MIPOL1: variants seen among roughly 807,000 people sequenced by gnomAD.
MIPOL1 encodes the protein mirror-image polydactyly 1.
Under a neutral mutation model 60.9 loss-of-function variants are expected in MIPOL1, and 57 were observed. That is an observed-to-expected ratio of 0.94 (90% confidence interval 0.76 to 1.17). The LOEUF is 1.17. Ranked by LOEUF, MIPOL1 falls within the 50% of genes most tolerant of loss-of-function variation. The pLI, the probability that MIPOL1 is intolerant of heterozygous loss-of-function variation, is 0.00. For missense variants in MIPOL1, 551 were observed against 511.6 expected (o/e 1.08, Z -0.74); for synonymous variants, 179 against 168.8 (o/e 1.06, Z -0.47).
intron 9 of MIPOL1, among the ~76,000 whole-genome samples, chr14:37,365,625 A>G (rs1393977475): frequency 1.3e-5 from 2 of 151,922 alleles, no homozygotes; most frequent in African/African-American, 2.4e-5. Flanking sequence ...TTTGTTGAGG[A>G]TTTTTGCATC....
In MIPOL1 at chr14:37,407,033, G is replaced by T. The variant is rs559105620; in HGVS notation, c.937-15822G>T. On this transcript the variant is annotated intron_variant, in intron 10 of 12. Coordinates refer to ENST00000684589, the MANE Select transcript of MIPOL1 (RefSeq NM_001388067.1). ...ACAAAGAAAAGATAAAGTCTCTACA[G>T]TCTAAATTAATGCACTAAGAAATGG... Among the ~76,000 whole-genome samples the T allele has an allele frequency of 8.3e-4, 126 of 152,230 alleles. 1 individual carries two copies. Among genetic ancestry groups the T allele is most frequent in the Non-Finnish European group, 1.9e-4 (13 of 67,982 alleles).
intron 11 of MIPOL1, among the ~76,000 whole-genome samples, chr14:37,461,482 G>C (rs966786777): frequency 2.0e-5 from 3 of 152,110 alleles, no homozygotes; most frequent in Admixed American, 6.5e-5. Flanking sequence ...ATGAGATTTT[G>C]GTAGGGACAC....
intron 3 of MIPOL1, among the ~76,000 whole-genome samples, chr14:37,265,550 C>G (rs1345997029): frequency 2.6e-5 from 4 of 151,956 alleles, no homozygotes; most frequent in Non-Finnish European, 5.9e-5. Flanking sequence ...TGTTTGAATA[C>G]TAATATAGTG....
intron 12 of MIPOL1, among the ~76,000 whole-genome samples, chr14:37,540,881 T>C (rs74869193): frequency 0.015 from 2,337 of 152,284 alleles, 61 homozygotes; most frequent in African/African-American, 0.053. Context: ...CATGTAAAAC[T>C]GCTTCTTTGA....
chr14:37,531,019 T>C (rs768839248), intron 12 of MIPOL1, among the ~76,000 whole-genome samples: 29 of 152,212 alleles, frequency 1.9e-4, no homozygotes, highest in Non-Finnish European at 2.6e-4. Flanking sequence ...GGTTTCACCA[T>C]GTTGGCCAGG....
At chr14:37,284,218 A>G (rs1325469287) in intron 6 of MIPOL1, among the ~76,000 whole-genome samples, 1 of 152,078 alleles carries the variant, frequency 6.6e-6, no homozygotes, top group Non-Finnish European at 1.5e-5. Flanking sequence ...ACAGCACAGC[A>G]TTGTCCTATT....
chr14:37,287,015 G>A (rs926865107), intron 7 of MIPOL1, among the ~76,000 whole-genome samples: 3 of 152,044 alleles, frequency 2.0e-5, no homozygotes, highest in African/African-American at 7.2e-5. Flanking sequence ...TAAGAGCACA[G>A]ATTCTGAACC....
intron 9 of MIPOL1, among the ~76,000 whole-genome samples, chr14:37,326,283 C>T (rs181151144): frequency 7.0e-4 from 107 of 152,314 alleles, no homozygotes; most frequent in African/African-American, 2.5e-3. Flanking sequence ...CATGGTAAGA[C>T]TAATGAATTC....
chr14:37,493,277 G>T (rs1487781214), intron 11 of MIPOL1, among the ~76,000 whole-genome samples: 1 of 152,174 alleles, frequency 6.6e-6, no homozygotes, highest in East Asian at 1.9e-4. Flanking sequence ...TCAATGAACA[G>T]GTAGGCAGAC....
chr14:37,397,696 G>A (rs1566520417), intron 10 of MIPOL1, among the ~76,000 whole-genome samples: 1 of 152,100 alleles, frequency 6.6e-6, no homozygotes, highest in Non-Finnish European at 1.5e-5. Context: ...ATGGAGTTGT[G>A]TACCTAGGAG....
intron 11 of MIPOL1, among the ~76,000 whole-genome samples, chr14:37,457,366 A>G (rs780374936): frequency 6.6e-6 from 1 of 152,222 alleles, no homozygotes; most frequent in Non-Finnish European, 1.5e-5. Context: ...ATAAATGAGA[A>G]TAGACATGGC....
intron 11 of MIPOL1, among the ~76,000 whole-genome samples, chr14:37,484,762 C>G (rs767875056): frequency 1.3e-5 from 2 of 152,086 alleles, no homozygotes; most frequent in Non-Finnish European, 2.9e-5. Flanking sequence ...CTTTCTCTGT[C>G]CCTTCAATTC....
intron 11 of MIPOL1, among the ~76,000 whole-genome samples, chr14:37,484,319 A>G (rs2094915752): frequency 7.0e-6 from 1 of 142,224 alleles, no homozygotes; most frequent in African/African-American, 2.6e-5. Flanking sequence ...CATGACTTTG[A>G]TGACCCAAAT....
chr14:37,297,294 G>T (rs1378497349), intron 7 of MIPOL1, among the ~76,000 whole-genome samples: 1 of 152,162 alleles, frequency 6.6e-6, no homozygotes, highest in African/African-American at 2.4e-5. Context: ...AGGTATTGAT[G>T]GGATGTATCT....
At chr14:37,538,336 A>C (rs1594925351) in intron 12 of MIPOL1, among the ~76,000 whole-genome samples, 1 of 152,212 alleles carries the variant, frequency 6.6e-6, no homozygotes, top group Non-Finnish European at 1.5e-5. Flanking sequence ...AAAAGAATAC[A>C]TATTATACTC....
intron 11 of MIPOL1, among the ~76,000 whole-genome samples, chr14:37,474,842 A>G (rs987882951): frequency 6.6e-6 from 1 of 152,200 alleles, no homozygotes; most frequent in South Asian, 2.1e-4. Flanking sequence ...GTGGTAGTAT[A>G]TCATTGTTGT....
At chr14:37,320,260 T>G (rs2088424836) in intron 9 of MIPOL1, among the ~76,000 whole-genome samples, 1 of 152,132 alleles carries the variant, frequency 6.6e-6, no homozygotes, top group Admixed American at 6.5e-5. Flanking sequence ...TTGTGCCAGT[T>G]TACAGCAGCA....
chr14:37,274,288 A>G (rs906222552), intron 6 of MIPOL1, among the ~76,000 whole-genome samples: 1 of 151,362 alleles, frequency 6.6e-6, no homozygotes, highest in Non-Finnish European at 1.5e-5. Context: ...TCATAACACA[A>G]ATCTGTTATT....
chr14:37,455,688 A>G (rs967151224), intron 11 of MIPOL1, among the ~76,000 whole-genome samples: 1 of 152,012 alleles, frequency 6.6e-6, no homozygotes, highest in Non-Finnish European at 1.5e-5. Flanking sequence ...CTGCTCCCAA[A>G]TTCGATTATT....
Sources: allele counts gnomAD v4.1 joint callset (sites outside exome capture counted in the v4.1 genomes callset), GRCh38; gene constraint gnomAD v4.1.1; transcripts MANE v1.5; gene names NCBI Gene and HGNC (gene_info 2026-07-23, HGNC 2026-07-21).